NRG3: variants seen among roughly 807,000 people sequenced by gnomAD.
The protein encoded by NRG3 is pro-neuregulin-3, membrane-bound isoform.
A neutral mutation model predicts 66.9 loss-of-function variants in NRG3; 31 were observed. The observed-to-expected ratio is 0.46, with a 90% CI of 0.35 to 0.63. The LOEUF is 0.63. Among genes scored for constraint, NRG3 ranks in the 20% least tolerant of loss-of-function variants. NRG3 has a pLI of 0.00. For synonymous variants in NRG3, 393 were observed against 359.4 expected (o/e 1.09, Z -1.06); for missense variants, 910 against 878.9 (o/e 1.04, Z -0.45).
chr10:82,019,574 TTTTTGGTTGG>T (rs1260439414), intron 1 of NRG3, among the ~76,000 whole-genome samples: 2 of 152,168 alleles, frequency 1.3e-5, no homozygotes, highest in African/African-American at 4.8e-5. Flanking sequence ...TCCTGGAATT[TTTTTGGTTGG>T]TAAGCTATTA....
chr10:81,994,886 A>G (rs996694125), intron 1 of NRG3, among the ~76,000 whole-genome samples: 18 of 152,094 alleles, frequency 1.2e-4, no homozygotes, highest in African/African-American at 4.3e-4. Flanking sequence ...ATCTATTTTT[A>G]TGGTAGCTCT....
intron 4 of NRG3, among the ~76,000 whole-genome samples, chr10:82,948,904 T>C (rs1201340643): frequency 6.6e-6 from 1 of 152,178 alleles, no homozygotes; most frequent in African/African-American, 2.4e-5. Context: ...TTTTTATTCC[T>C]ATTTTTTCTT....
intron 4 of NRG3, among the ~76,000 whole-genome samples, chr10:82,903,381 T>C (rs1844423576): frequency 6.6e-6 from 1 of 152,168 alleles, no homozygotes; most frequent in Non-Finnish European, 1.5e-5. Flanking sequence ...ATATTTTTCA[T>C]TGTGTTTAGT....
At chr10:82,116,806 C>T (rs1286143929) in intron 1 of NRG3, among the ~76,000 whole-genome samples, 1 of 152,074 alleles carries the variant, frequency 6.6e-6, no homozygotes, top group Non-Finnish European at 1.5e-5. Context: ...ATCTTCCTGC[C>T]CGATTTATAG....
chr10:82,616,879 T>A (rs1348699767), intron 2 of NRG3, among the ~76,000 whole-genome samples: 1 of 152,218 alleles, frequency 6.6e-6, no homozygotes, highest in Admixed American at 6.5e-5. Flanking sequence ...ATTAAATAGA[T>A]CATTTTTCTC....
At chr10:81,936,000 T>TCCC (rs1443254600) in intron 1 of NRG3, among the ~76,000 whole-genome samples, 2 of 151,968 alleles carry the variant, frequency 1.3e-5, no homozygotes, top group Admixed American at 6.6e-5. Context: ...CAGTGTTATG[T>TCCC]CCCCAATTGC....
intron 2 of NRG3, among the ~76,000 whole-genome samples, chr10:82,463,682 G>A (rs1360854876): frequency 2.0e-5 from 3 of 152,164 alleles, no homozygotes; most frequent in African/African-American, 7.2e-5. Context: ...GTCAAGGCTG[G>A]ATAACTGGGC....
At chr10:81,976,329 A>G (rs912139227) in intron 1 of NRG3, among the ~76,000 whole-genome samples, 1 of 152,130 alleles carries the variant, frequency 6.6e-6, no homozygotes, top group Non-Finnish European at 1.5e-5. Flanking sequence ...TGGGCACTGC[A>G]CTTACTAGTA....
intron 1 of NRG3, among the ~76,000 whole-genome samples, chr10:82,081,354 A>G (rs1363572118): frequency 6.6e-6 from 1 of 152,100 alleles, no homozygotes; most frequent in Non-Finnish European, 1.5e-5. Flanking sequence ...CTTTACATAG[A>G]CAGAAATGTT....
intron 2 of NRG3, among the ~76,000 whole-genome samples, chr10:82,414,418 G>A (rs998565700): frequency 5.9e-5 from 9 of 152,094 alleles, no homozygotes; most frequent in African/African-American, 1.9e-4. Context: ...ACCTCTTAAA[G>A]ATCAGGATTA....
chr10:82,700,434 T>C lies in NRG3; in HGVS notation c.954-38143T>C, dbSNP rs536602336. Reference sequence around the variant, plus strand: ...GAGGGATGTCTCCAATAGTTGGAGGTGGAAAGAGGGCACAGCTTTTATTTT... The same window carrying C: ...GAGGGATGTCTCCAATAGTTGGAGGCGGAAAGAGGGCACAGCTTTTATTTT... On this transcript the variant is annotated intron_variant, in intron 2 of 8. Transcript: ENST00000372141. Among the ~76,000 whole-genome samples, 286 of 152,174 alleles carry C rather than the reference T, an allele frequency of 1.9e-3. 1 individual carries two copies. Among genetic ancestry groups the C allele is most frequent in the African/African-American group, 6.5e-3 (271 of 41,536 alleles).
At chr10:81,934,495 T>C (rs1198545226) in intron 1 of NRG3, among the ~76,000 whole-genome samples, 1 of 152,158 alleles carries the variant, frequency 6.6e-6, no homozygotes, top group Non-Finnish European at 1.5e-5. Flanking sequence ...TGGAAATGTC[T>C]CTCCTTCTCC....
chr10:82,911,650 T>C (rs545758044), intron 4 of NRG3, among the ~76,000 whole-genome samples: 3 of 151,826 alleles, frequency 2.0e-5, no homozygotes, highest in African/African-American at 7.2e-5. Flanking sequence ...TTAAACTGGC[T>C]TTTAGAGGTT....
chr10:82,340,794 A>G (rs934417547), intron 1 of NRG3: 2 of 152,172 alleles, frequency 1.3e-5, no homozygotes, highest in Non-Finnish European at 2.9e-5. Context: ...CAGCACATAT[A>G]CTAAAATGGG....
chr10:82,576,732 C>G (rs1158092532), intron 2 of NRG3, among the ~76,000 whole-genome samples: 1 of 151,744 alleles, frequency 6.6e-6, no homozygotes, highest in East Asian at 1.9e-4. Context: ...ATTCTAACCC[C>G]CAGGAAAGGG....
chr10:82,216,113 C>T (rs1015846767), intron 1 of NRG3, among the ~76,000 whole-genome samples: 3 of 151,238 alleles, frequency 2.0e-5, no homozygotes, highest in Non-Finnish European at 4.4e-5. Context: ...GCTAGGATTA[C>T]AGGCACACAC....
At chr10:82,344,065 CT>C (rs143442963) in intron 1 of NRG3, among the ~76,000 whole-genome samples, 6,346 of 147,878 alleles carry the variant, frequency 0.043, 168 homozygotes, top group Admixed American at 0.082. Flanking sequence ...TTTTTTCTTT[CT>C]TTTTTTTTTA....
At chr10:82,098,222 T>C (rs551113517) in intron 1 of NRG3, among the ~76,000 whole-genome samples, 3 of 151,688 alleles carry the variant, frequency 2.0e-5, no homozygotes, top group Non-Finnish European at 4.4e-5. Context: ...TGGGTGAACA[T>C]ACACAGACAT....
rs371840111 is a variant in NRG3 at position 82,021,707 on chromosome 10, C to G, written c.823+145544C>G. Among the ~76,000 whole-genome samples, 96 of 151,532 alleles carry G rather than the reference C, an allele frequency of 6.3e-4. 1 individual carries two copies. The highest frequency in any genetic ancestry group is 2.2e-3 in the African/African-American group (90 of 41,270). ...GCAATAATTTGTTATTGAATTGAAG[C>G]AAGACAACAGGAAGATAATTTTATA... On this transcript the variant is annotated intron_variant, in intron 1 of 8. Coordinates refer to ENST00000372141, the MANE Select transcript of NRG3 (RefSeq NM_001010848.4).
Sources: allele counts gnomAD v4.1 joint callset (sites outside exome capture counted in the v4.1 genomes callset), GRCh38; gene constraint gnomAD v4.1.1; transcripts MANE v1.5; gene names NCBI Gene and HGNC (gene_info 2026-07-23, HGNC 2026-07-21).